Variants in FBXO39 observed in about 807,000 individuals in gnomAD.
FBXO39 encodes the protein F-box only protein 39.
Under a neutral mutation model 36.6 loss-of-function variants are expected in FBXO39, and 22 were observed. The observed-to-expected ratio is 0.60, with a 90% CI of 0.43 to 0.86. The LOEUF (loss-of-function observed/expected upper bound fraction) is 0.86. Ranked by LOEUF, FBXO39 falls within the 40% of genes least tolerant of loss-of-function variation. FBXO39 has a pLI of 0.00. For synonymous variants in FBXO39, 206 were observed against 205.8 expected (o/e 1.00, Z -0.01); for missense variants, 536 against 543.9 (o/e 0.99, Z 0.14).
Position 6,780,859 on chromosome 17 carries a change from GA to G in FBXO39, c.992del (p.Asp331ValfsTer13), listed in dbSNP as rs1385416107. On this transcript the variant is annotated frameshift_variant, in exon 2 of 4. Coordinates refer to ENST00000321535, the MANE Select transcript of FBXO39 (RefSeq NM_153230.3). LOFTEE classifies it high-confidence loss of function. Reference protein sequence around the residue: ...PDCSMRPTLIDLLPTFRHTLQ... With the variant: ...PDCSMRPTLIXLLPTFRHTLQ... The stretch of plus-strand genomic sequence containing the variant: ...CTGTTCAATGAGACCCACTCTGATA[GA>G]TCTCCTGCCCACCTTCCGGCACACT... 6 of 1,613,350 alleles carry G rather than the reference GA, an allele frequency of 3.7e-6. No homozygotes were observed. In the Admixed American group the frequency reaches 1.0e-4, roughly 27 times the overall value.
rs762444514 is a variant in FBXO39, at chr17:6,780,473, A to T, written c.605A>T (p.Asp202Val). 1 of 1,614,122 alleles carries T rather than the reference A, an allele frequency of 6.2e-7. No individual in the cohort carries two copies. The highest frequency in any genetic ancestry group is 1.7e-5 in the Admixed American group (1 of 60,022). Reference sequence around the variant, plus strand: ...GTGATCTCAGAGCTCAACATCGAGGACTATTTCAGCCATCACCTTGCTGTC... The same window carrying T: ...GTGATCTCAGAGCTCAACATCGAGGTCTATTTCAGCCATCACCTTGCTGTC... ...ENVISELNIEDYFSHHLAVYN... is the reference protein window; with the variant it reads ...ENVISELNIEVYFSHHLAVYN... Residue 202 changes from aspartate (D) to valine (V), a missense_variant, in exon 2 of 4, where the codon GAC becomes GTC. Coordinates refer to ENST00000321535, the MANE Select transcript of FBXO39 (RefSeq NM_153230.3).
Position 6,780,789 on chromosome 17 carries a change from G to A in FBXO39, c.921G>A (p.Pro307=), listed in dbSNP as rs764013991. Residue 307 remains proline (P), a synonymous_variant, in exon 2 of 4, where the codon CCG becomes CCA. Transcript: ENST00000321535. ...CCCGAATCCTCTTGCAGGAGATCCC[G>A]ATCAGGAGCATCAGTCTGAGAAGCT... ...RLARILLQEI[P]IRSISLRSCY... 29 of 1,613,986 alleles carry A rather than the reference G, an allele frequency of 1.8e-5. No individual in the cohort carries two copies. Among genetic ancestry groups the A allele is most frequent in the African/African-American group, 2.7e-5 (2 of 74,902 alleles).
chr17:6,784,509 A>G (rs1424338011), intron 2 of FBXO39, among the ~76,000 whole-genome samples: 1 of 101,250 alleles, frequency 9.9e-6, no homozygotes, highest in Non-Finnish European at 2.1e-5. Flanking sequence ...GGAAAAACCT[A>G]AAGACTCCAC....
rs754599697 is a variant in FBXO39, at chr17:6,779,982, G to A, written c.114G>A (p.Arg38=). 2.5e-6 allele frequency: 4 copies of A among 1,614,166 alleles called. No homozygotes were observed. Among genetic ancestry groups the A allele is most frequent in the East Asian group, 2.2e-5 (1 of 44,890 alleles). The change falls in exon 2 of 4, where the codon AGG becomes AGA. Residue 38 remains arginine, a synonymous_variant. Transcript: ENST00000321535. ...GGCTAGGAGACAGGGACAGGTCCAG[G>A]GCTGCTCTTGTCTGCAGAAAGTGGA... ...FWWLGDRDRS[R]AALVCRKWNQ...
rs775987512 is a variant in FBXO39, at chr17:6,780,612, C to T, written c.744C>T (p.Ala248=). ...TGCTTGAGAACTTGTGTGAGAATGC[C>T]AGCACCCTCCGGACCATCAACATCA... ...DELLENLCEN[A]STLRTINIKC... is the part of the protein sequence containing the mutation. The change falls in exon 2 of 4, where the codon GCC becomes GCT. Residue 248 remains alanine, a synonymous_variant. Transcript: ENST00000321535. 2.5e-6 allele frequency: 4 copies of T among 1,614,068 alleles called. No homozygotes were observed. Among genetic ancestry groups the T allele is most frequent in the Non-Finnish European group, 3.4e-6 (4 of 1,180,016 alleles).
chr17:6,785,918 T>C lies in FBXO39; in HGVS notation c.1024-862T>C, dbSNP rs144687474. 9.8e-3 allele frequency among the ~76,000 whole-genome samples: 1,487 copies of C among 152,298 alleles called. 35 individuals carry two copies. Among genetic ancestry groups the C allele is most frequent in the African/African-American group, 0.034 (1,416 of 41,558 alleles). ...CACAGTTGGTGGGAATTTAAAGTAGTACAGCCACTGTAGAGAACAGTTTGG... is the reference window on the plus strand; with the variant it reads ...CACAGTTGGTGGGAATTTAAAGTAGCACAGCCACTGTAGAGAACAGTTTGG... On this transcript the variant is annotated intron_variant, in intron 2 of 3. Transcript: ENST00000321535.
chr17:6,780,623 G>T lies in FBXO39; in HGVS notation c.755G>T (p.Arg252Leu). Residue 252 changes from arginine (R) to leucine (L), a missense_variant, in exon 2 of 4, where the codon CGG (arginine) becomes CTG (leucine). Transcript: ENST00000321535. ...ENLCENASTLRTINIKCHVHD... is the reference protein window; with the variant it reads ...ENLCENASTLLTINIKCHVHD... ...TTGTGTGAGAATGCCAGCACCCTCCGGACCATCAACATCAAATGCCACGTT... is the reference window on the plus strand; with the variant it reads ...TTGTGTGAGAATGCCAGCACCCTCCTGACCATCAACATCAAATGCCACGTT... The T allele has an allele frequency of 6.2e-7, 1 of 1,613,992 alleles. No individual in the cohort carries two copies. The highest frequency in any genetic ancestry group is 8.5e-7 in the Non-Finnish European group (1 of 1,180,014).
chr17:6,786,546 G>A (rs1976572909), intron 2 of FBXO39, among the ~76,000 whole-genome samples: 2 of 152,092 alleles, frequency 1.3e-5, no homozygotes. Flanking sequence ...TGAAGTCATG[G>A]ATACTCTATT....
At chr17:6,783,395 A>G (rs1391253133) in intron 2 of FBXO39, among the ~76,000 whole-genome samples, 2 of 151,496 alleles carry the variant, frequency 1.3e-5, no homozygotes, top group African/African-American at 4.8e-5. Flanking sequence ...AATTGGTAGA[A>G]GAGAAGAAAT....
intron 2 of FBXO39, among the ~76,000 whole-genome samples, chr17:6,784,072 A>C (rs112868021): frequency 0.066 from 10,117 of 152,236 alleles, 393 homozygotes; most frequent in African/African-American, 0.092. Flanking sequence ...ATCCTGACCA[A>C]GTGGGATTTA....
chr17:6,785,708 C>T (rs1348031100), intron 2 of FBXO39, among the ~76,000 whole-genome samples: 1 of 152,086 alleles, frequency 6.6e-6, no homozygotes, highest in Non-Finnish European at 1.5e-5. Context: ...ACAGATATTT[C>T]TCAAAAGAAG....
At chr17:6,781,385 C>A (rs781406995) in intron 2 of FBXO39, among the ~76,000 whole-genome samples, 11 of 151,990 alleles carry the variant, frequency 7.2e-5, no homozygotes, top group Non-Finnish European at 1.2e-4. Flanking sequence ...TTTACACAAC[C>A]GAAGAGCTCA....
At chr17:6,782,819 A>G (rs1003828440) in intron 2 of FBXO39, among the ~76,000 whole-genome samples, 6 of 152,194 alleles carry the variant, frequency 3.9e-5, no homozygotes, top group Non-Finnish European at 4.4e-5. Flanking sequence ...CTATATAATA[A>G]CAGCTAGAGA....
At position 6,780,384 on chromosome 17, in the gene FBXO39, C is replaced by T; in HGVS notation, c.516C>T (p.Ala172=). 1.9e-6 allele frequency: 3 copies of T among 1,614,156 alleles called. No homozygotes were observed. The highest frequency in any genetic ancestry group is 1.7e-6 in the Non-Finnish European group (2 of 1,180,036). The change falls in exon 2 of 4, where the codon GCC becomes GCT. Residue 172 remains alanine (A), a synonymous_variant. Transcript: ENST00000321535. The part of the protein sequence containing the change: ...KRLDYLNLKG[A]RLTVEQGCQI... Reference sequence around the variant, plus strand: ...TGGATTATCTCAACCTAAAAGGGGCCAGGCTGACCGTGGAGCAAGGCTGCC... The same window carrying T: ...TGGATTATCTCAACCTAAAAGGGGCTAGGCTGACCGTGGAGCAAGGCTGCC...
chr17:6,781,945 T>C (rs1244249977), intron 2 of FBXO39, among the ~76,000 whole-genome samples: 1 of 152,166 alleles, frequency 6.6e-6, no homozygotes, highest in Non-Finnish European at 1.5e-5. Flanking sequence ...TTACTGGTAA[T>C]AGTAAGTACA....
intron 2 of FBXO39, among the ~76,000 whole-genome samples, chr17:6,782,506 C>T (rs895654607): frequency 6.6e-6 from 1 of 152,056 alleles, no homozygotes; most frequent in Non-Finnish European, 1.5e-5. Flanking sequence ...AAGAAAGACT[C>T]AATTATCTGC....
At position 6,780,876 on chromosome 17, in the gene FBXO39, C is replaced by T. The variant is rs773396215; in HGVS notation, c.1008C>T (p.Phe336=). 49 of 1,611,666 alleles carry T rather than the reference C, an allele frequency of 3.0e-5. No homozygotes were observed. The highest frequency in any genetic ancestry group is 5.3e-5 in the African/African-American group (4 of 74,918). The change falls in exon 2 of 4, where the codon TTC becomes TTT. Residue 336 remains phenylalanine (F), a synonymous_variant. Coordinates refer to ENST00000321535, the MANE Select transcript of FBXO39 (RefSeq NM_153230.3). ...RPTLIDLLPT[F]RHTLQKLTCE... Reference sequence around the variant, plus strand: ...CTCTGATAGATCTCCTGCCCACCTTCCGGCACACTCTGCAGGTAGGTAGGA... The same window carrying T: ...CTCTGATAGATCTCCTGCCCACCTTTCGGCACACTCTGCAGGTAGGTAGGA...
chr17:6,780,984 A>C, intron 2 of FBXO39, 93 bp downstream of exon 2: 1 of 1,313,494 alleles, frequency 7.6e-7, no homozygotes, highest in Non-Finnish European at 1.0e-6. Context: ...AGGCTCCCAA[A>C]TGTTCACTCA....
chr17:6,781,035 T>C (rs1346000146), intron 2 of FBXO39, 144 bp downstream of exon 2: 1 of 838,558 alleles, frequency 1.2e-6, no homozygotes, highest in Non-Finnish European at 1.8e-6. Flanking sequence ...CAACTAAGCC[T>C]CCTGCCCTCC....
Sources: allele counts gnomAD v4.1 joint callset (sites outside exome capture counted in the v4.1 genomes callset), GRCh38; gene constraint gnomAD v4.1.1; transcripts MANE v1.5; gene names NCBI Gene and HGNC (gene_info 2026-07-23, HGNC 2026-07-21).